Variants in KCNH8 observed in about 807,000 individuals in gnomAD.
The protein encoded by KCNH8 is voltage-gated delayed rectifier potassium channel KCNH8.
Under a neutral mutation model 103.6 loss-of-function variants are expected in KCNH8, and 70 were observed. The ratio of observed to expected loss-of-function variants is 0.68; its 90% confidence interval spans 0.56 to 0.82. The LOEUF is 0.82. Among genes scored for constraint, KCNH8 ranks in the 40% least tolerant of loss-of-function variants. The pLI is 0.00. For missense variants in KCNH8, 1,217 were observed against 1,329.9 expected (o/e 0.92, Z 1.32); for synonymous variants, 498 against 489.4 (o/e 1.02, Z -0.23).
intron 1 of KCNH8, among the ~76,000 whole-genome samples, chr3:19,160,919 T>G (rs996143161): frequency 6.6e-5 from 10 of 151,912 alleles, no homozygotes; most frequent in Admixed American, 5.9e-4. Context: ...AGCGCAAGAG[T>G]GGTGATGCTA....
At chr3:19,218,656 A>G (rs985246190) in intron 1 of KCNH8, among the ~76,000 whole-genome samples, 2 of 152,212 alleles carry the variant, frequency 1.3e-5, no homozygotes, top group South Asian at 4.1e-4. Context: ...AATGTACCAC[A>G]AACTTAAATG....
At position 19,308,411 on chromosome 3, in the gene KCNH8, T is replaced by C. The variant is rs868661767; in HGVS notation, c.442+27082T>C. On this transcript the variant is annotated intron_variant, in intron 3 of 15. Transcript: ENST00000328405. ...CTAACCTAAGCCCTGAGTAGTTATA[T>C]TTCCTGACTGAAGCCTAATCAGTTA... Among the ~76,000 whole-genome samples the C allele has an allele frequency of 7.9e-5, 12 of 151,938 alleles. No homozygotes were observed. The South Asian group carries it at 1.9e-3, about 24-fold the overall frequency.
At chr3:19,532,626 A>C (rs1174400632) in intron 15 of KCNH8, among the ~76,000 whole-genome samples, 1 of 152,034 alleles carries the variant, frequency 6.6e-6, no homozygotes, top group Non-Finnish European at 1.5e-5. Context: ...AGTATCTGCC[A>C]CTCCACATTG....
At chr3:19,512,930 T>G in intron 12 of KCNH8, 40 bp from the exon 13 acceptor site, 1 of 1,569,558 alleles carries the variant, frequency 6.4e-7, no homozygotes, top group Non-Finnish European at 8.6e-7. Flanking sequence ...TTTCTGCGGT[T>G]TTTGCAGTCT....
intron 3 of KCNH8, among the ~76,000 whole-genome samples, chr3:19,321,801 T>C (rs1406649257): frequency 1.3e-5 from 2 of 152,122 alleles, no homozygotes; most frequent in African/African-American, 4.8e-5. Context: ...ACTATTATTG[T>C]GTTGCTGTCT....
At chr3:19,256,236 T>A (rs2064344742) in intron 2 of KCNH8, among the ~76,000 whole-genome samples, 1 of 152,136 alleles carries the variant, frequency 6.6e-6, no homozygotes, top group Non-Finnish European at 1.5e-5. Context: ...TATTTTTCCT[T>A]GGAGGATATT....
intron 2 of KCNH8, 32 bp downstream of exon 2, chr3:19,253,919 A>C (rs1218170320): frequency 6.9e-7 from 1 of 1,459,356 alleles, no homozygotes; most frequent in Admixed American, 1.7e-5. Flanking sequence ...CTCACTGGAG[A>C]GTAGTGAGAG....
At chr3:19,457,370 GA>G (rs1045586166) in intron 11 of KCNH8, among the ~76,000 whole-genome samples, 18 of 151,894 alleles carry the variant, frequency 1.2e-4, no homozygotes, top group African/African-American at 3.9e-4. Flanking sequence ...CCAATTGCTT[GA>G]CATAGATTTT....
At chr3:19,303,151 A>C (rs758866748) in intron 3 of KCNH8, among the ~76,000 whole-genome samples, 2 of 152,184 alleles carry the variant, frequency 1.3e-5, no homozygotes, top group Non-Finnish European at 2.9e-5. Flanking sequence ...GAAAGCTTGA[A>C]TGATGAATAT....
chr3:19,267,641 T>C (rs1227861310), intron 2 of KCNH8, among the ~76,000 whole-genome samples: 1 of 152,072 alleles, frequency 6.6e-6, no homozygotes, highest in East Asian at 1.9e-4. Context: ...TGATTAACCC[T>C]ACAATATCTA....
At chr3:19,445,818 A>G (rs576964011) in intron 8 of KCNH8, among the ~76,000 whole-genome samples, 12 of 152,034 alleles carry the variant, frequency 7.9e-5, no homozygotes, top group Non-Finnish European at 1.6e-4. Flanking sequence ...TAAAGAAAGT[A>G]TCAAACTACC....
intron 5 of KCNH8, among the ~76,000 whole-genome samples, chr3:19,370,953 G>A (rs1003237855): frequency 1.3e-5 from 2 of 151,878 alleles, no homozygotes; most frequent in Non-Finnish European, 2.9e-5. Context: ...CATTTTTTAT[G>A]GCTGCATAGT....
intron 3 of KCNH8, among the ~76,000 whole-genome samples, chr3:19,297,837 A>G (rs546706082): frequency 6.6e-6 from 1 of 152,354 alleles, no homozygotes; most frequent in African/African-American, 2.4e-5. Context: ...ATGGGCCAGT[A>G]TGAGAACTTG....
chr3:19,238,595 A>G (rs1384235904), intron 1 of KCNH8, among the ~76,000 whole-genome samples: 3 of 152,228 alleles, frequency 2.0e-5, no homozygotes, highest in African/African-American at 2.4e-5. Flanking sequence ...TGGATGAATA[A>G]CAATGCCAGA....
intron 7 of KCNH8, among the ~76,000 whole-genome samples, chr3:19,415,566 AAGT>A (rs1257726159): frequency 2.0e-5 from 3 of 152,110 alleles, no homozygotes; most frequent in African/African-American, 7.2e-5. Flanking sequence ...TTATTAATAA[AAGT>A]AGAGAGCAAT....
At chr3:19,425,648 G>A (rs1223818296) in intron 7 of KCNH8, among the ~76,000 whole-genome samples, 1 of 152,184 alleles carries the variant, frequency 6.6e-6, no homozygotes, top group Non-Finnish European at 1.5e-5. Context: ...AACTTGACTG[G>A]GAACAGGATG....
chr3:19,234,162 C>G (rs2064030299), intron 1 of KCNH8, among the ~76,000 whole-genome samples: 1 of 152,216 alleles, frequency 6.6e-6, no homozygotes, highest in Non-Finnish European at 1.5e-5. Context: ...TTCACAATCC[C>G]TGCGCTAGAC....
intron 5 of KCNH8, among the ~76,000 whole-genome samples, chr3:19,363,222 T>C (rs1449416275): frequency 1.3e-5 from 2 of 152,176 alleles, no homozygotes; most frequent in African/African-American, 4.8e-5. Flanking sequence ...AGGCATCCTT[T>C]ATCTGCAGTA....
At chr3:19,474,773 G>A (rs189919730) in intron 11 of KCNH8, among the ~76,000 whole-genome samples, 7 of 152,178 alleles carry the variant, frequency 4.6e-5, no homozygotes, top group South Asian at 2.1e-4. Context: ...TGACTGATTC[G>A]TGTGACTGCA....
Sources: gnomAD v4.1 joint callset for allele counts (sites outside exome capture counted in the v4.1 genomes callset) on GRCh38, gnomAD v4.1.1 for gene constraint, MANE v1.5 for transcripts, NCBI Gene and HGNC (gene_info 2026-07-23, HGNC 2026-07-21) for gene names.